The following CEP112 variants were observed in gnomAD, a reference collection of about 807,000 sequenced individuals.
The protein encoded by CEP112 is centrosomal protein of 112 kDa.
Under a neutral mutation model 153.0 loss-of-function variants are expected in CEP112, and 127 were observed. That is an observed-to-expected ratio of 0.83 (90% CI 0.72 to 0.96). CEP112 has a LOEUF of 0.96. CEP112 is among the 40% of genes least tolerant of loss of function. The pLI, the probability that CEP112 is intolerant of heterozygous loss-of-function variation, is 0.00. For missense variants in CEP112, 1,089 were observed against 1,101.2 expected (o/e 0.99, Z 0.16); for synonymous variants, 358 against 374.4 (o/e 0.96, Z 0.51).
chr17:66,014,539 G>A (rs2064687518), intron 16 of CEP112, among the ~76,000 whole-genome samples: 1 of 152,102 alleles, frequency 6.6e-6, no homozygotes, highest in South Asian at 2.1e-4. Flanking sequence ...AAAACTCTCT[G>A]GGCTCTGTAC....
At chr17:65,790,596 T>A (rs1367748863) in intron 21 of CEP112, among the ~76,000 whole-genome samples, 2 of 152,132 alleles carry the variant, frequency 1.3e-5, no homozygotes, top group African/African-American at 2.4e-5. Context: ...AGTCCTCAGC[T>A]CCTTCGATCC....
chr17:65,644,493 T>C, intron 24 of CEP112: 1 of 343,950 alleles, frequency 2.9e-6, no homozygotes, highest in Non-Finnish European at 5.5e-6. Flanking sequence ...GGCAGCCAGC[T>C]CATACAGGTT....
intron 4 of CEP112, among the ~76,000 whole-genome samples, chr17:66,167,809 G>A (rs1433092415): frequency 6.6e-6 from 1 of 152,134 alleles, no homozygotes; most frequent in East Asian, 1.9e-4. Context: ...AAATACAAAA[G>A]GGCAATGATG....
intron 21 of CEP112, among the ~76,000 whole-genome samples, chr17:65,775,059 G>C (rs2053598874): frequency 6.6e-6 from 1 of 151,990 alleles, no homozygotes; most frequent in African/African-American, 2.4e-5. Flanking sequence ...GGGAACATGA[G>C]GCTCAGTTTC....
chr17:65,853,519 A>T (rs1470949741), intron 20 of CEP112, among the ~76,000 whole-genome samples: 2 of 152,150 alleles, frequency 1.3e-5, no homozygotes, highest in Non-Finnish European at 2.9e-5. Context: ...TCACAAGGTC[A>T]GGAGTTCAAG....
chr17:65,845,052 G>A (rs1237430031), intron 21 of CEP112, among the ~76,000 whole-genome samples: 1 of 152,146 alleles, frequency 6.6e-6, no homozygotes, highest in Non-Finnish European at 1.5e-5. Flanking sequence ...GGATGAGGTG[G>A]CTCACGCCTG....
chr17:65,831,861 A>G (rs2057095908), intron 21 of CEP112, among the ~76,000 whole-genome samples: 1 of 152,120 alleles, frequency 6.6e-6, no homozygotes, highest in African/African-American at 2.4e-5. Flanking sequence ...AGCTTACAAG[A>G]TTTATAGGGA....
chr17:65,965,534 T>C (rs985923352), intron 17 of CEP112, among the ~76,000 whole-genome samples: 12 of 150,066 alleles, frequency 8.0e-5, no homozygotes, highest in African/African-American at 2.7e-4. Context: ...TTTTTTTTTT[T>C]TTCTTTGAGA....
At chr17:66,152,684 C>T (rs554179020) in intron 4 of CEP112, among the ~76,000 whole-genome samples, 1 of 152,236 alleles carries the variant, frequency 6.6e-6, no homozygotes, top group East Asian at 1.9e-4. Context: ...TAAGAGTATG[C>T]CTGACAGATC....
intron 19 of CEP112, among the ~76,000 whole-genome samples, chr17:65,909,918 A>G (rs1423202578): frequency 6.6e-6 from 1 of 152,180 alleles, no homozygotes; most frequent in African/African-American, 2.4e-5. Flanking sequence ...CTGAAGATGT[A>G]TCATTCACTT....
At chr17:65,771,734 G>C (rs1276482699) in intron 21 of CEP112, among the ~76,000 whole-genome samples, 1 of 152,124 alleles carries the variant, frequency 6.6e-6, no homozygotes, top group Non-Finnish European at 1.5e-5. Context: ...AAGAATCATG[G>C]CTAGGCATGG....
intron 17 of CEP112, among the ~76,000 whole-genome samples, chr17:65,970,705 T>C (rs1219079599): frequency 1.3e-5 from 2 of 151,996 alleles, no homozygotes; most frequent in African/African-American, 2.4e-5. Flanking sequence ...ATTACATGCA[T>C]ACACATGACA....
chr17:65,966,611 C>T (rs1206076039), intron 17 of CEP112, among the ~76,000 whole-genome samples: 1 of 152,192 alleles, frequency 6.6e-6, no homozygotes, highest in Non-Finnish European at 1.5e-5. Context: ...ACAAGACTCA[C>T]AAGCGGCAAT....
chr17:66,137,870 T>G (rs781501850), intron 4 of CEP112, among the ~76,000 whole-genome samples: 1 of 152,100 alleles, frequency 6.6e-6, no homozygotes, highest in Non-Finnish European at 1.5e-5. Flanking sequence ...TGAAAACACA[T>G]GAAAATATGA....
intron 3 of CEP112, chr17:66,176,589 A>C (rs573080461): frequency 9.2e-6 from 3 of 325,484 alleles, no homozygotes; most frequent in Admixed American, 4.7e-5. Context: ...TTTCGTTTTC[A>C]GTTTTTTAGA....
intron 12 of CEP112, among the ~76,000 whole-genome samples, chr17:66,035,863 A>C (rs2065717147): frequency 6.6e-6 from 1 of 152,218 alleles, no homozygotes; most frequent in Admixed American, 6.5e-5. Flanking sequence ...ACAGCTTGCC[A>C]CTGCAAACAC....
At chr17:66,055,470 T>C (rs938142762) in intron 11 of CEP112, among the ~76,000 whole-genome samples, 1 of 152,210 alleles carries the variant, frequency 6.6e-6, no homozygotes, top group South Asian at 2.1e-4. Context: ...CACCCAAATC[T>C]CAGTGCTCCT....
At chr17:66,000,768 A>G (rs997757315) in intron 17 of CEP112, among the ~76,000 whole-genome samples, 3 of 152,236 alleles carry the variant, frequency 2.0e-5, no homozygotes, top group Non-Finnish European at 4.4e-5. Flanking sequence ...GAAGTTGTGC[A>G]GGGCAAGCCT....
intron 23 of CEP112, among the ~76,000 whole-genome samples, chr17:65,739,578 A>T (rs974177906): frequency 9.9e-5 from 15 of 152,192 alleles, no homozygotes; most frequent in African/African-American, 3.1e-4. Flanking sequence ...TCTACTAAAA[A>T]TACAAAAATT....
Sources: gnomAD v4.1 joint callset for allele counts (sites outside exome capture counted in the v4.1 genomes callset) on GRCh38, gnomAD v4.1.1 for gene constraint, MANE v1.5 for transcripts, NCBI Gene and HGNC (gene_info 2026-07-23, HGNC 2026-07-21) for gene names.